RIMS2: variants seen among roughly 807,000 people sequenced by gnomAD.
RIMS2 encodes regulating synaptic membrane exocytosis 2.
A neutral mutation model predicts 174.4 loss-of-function variants in RIMS2; 59 were observed. The ratio of observed to expected loss-of-function variants is 0.34; its 90% confidence interval spans 0.27 to 0.42. The LOEUF (loss-of-function observed/expected upper bound fraction) is 0.42. Among genes scored for constraint, RIMS2 ranks in the 10% least tolerant of loss-of-function variants. RIMS2 has a pLI of 1.00. For missense variants in RIMS2, 1,620 were observed against 1,666.3 expected (o/e 0.97, Z 0.48); for synonymous variants, 606 against 572.5 (o/e 1.06, Z -0.84).
chr8:103,949,214 T>G (rs1400417301), intron 14 of RIMS2, among the ~76,000 whole-genome samples: 1 of 143,776 alleles, frequency 7.0e-6, no homozygotes, highest in Non-Finnish European at 1.5e-5. Context: ...AATGCAGTAA[T>G]AAAACTACAG....
chr8:103,951,408 A>G (rs2154543320), intron 14 of RIMS2, among the ~76,000 whole-genome samples: 1 of 152,316 alleles, frequency 6.6e-6, no homozygotes, highest in Admixed American at 6.5e-5. Flanking sequence ...CAACTGAGGT[A>G]CCCAGTTCAT....
intron 3 of RIMS2, among the ~76,000 whole-genome samples, chr8:103,834,958 A>G (rs1480693666): frequency 6.6e-6 from 1 of 151,300 alleles, no homozygotes; most frequent in Admixed American, 6.6e-5. Flanking sequence ...TTTTGTAGAG[A>G]CAGGTTATCG....
intron 2 of RIMS2, among the ~76,000 whole-genome samples, chr8:103,710,927 T>C (rs575861770): frequency 5.9e-5 from 9 of 152,182 alleles, no homozygotes; most frequent in Non-Finnish European, 1.0e-4. Context: ...TTCAGGAATC[T>C]CTGATGAGTT....
chr8:103,501,884 G>T (rs1820264877), intron 1 of RIMS2, among the ~76,000 whole-genome samples: 1 of 152,026 alleles, frequency 6.6e-6, no homozygotes, highest in South Asian at 2.1e-4. Flanking sequence ...CCAGGCATGC[G>T]TTTACCGGCT....
At chr8:103,832,651 C>A (rs1298261361) in intron 3 of RIMS2, among the ~76,000 whole-genome samples, 1 of 152,134 alleles carries the variant, frequency 6.6e-6, no homozygotes, top group Non-Finnish European at 1.5e-5. Flanking sequence ...GTTTTCTGTT[C>A]CTGTATTAAT....
At chr8:103,599,698 G>C (rs975023767) in intron 1 of RIMS2, among the ~76,000 whole-genome samples, 1 of 151,744 alleles carries the variant, frequency 6.6e-6, no homozygotes, top group Non-Finnish European at 1.5e-5. Context: ...TGATCCTCTT[G>C]CCTTGGCCTC....
chr8:103,588,135 AC>A (rs1395222067), intron 1 of RIMS2, among the ~76,000 whole-genome samples: 1 of 152,028 alleles, frequency 6.6e-6, no homozygotes, highest in African/African-American at 2.4e-5. Flanking sequence ...AAAGAAAAAA[AC>A]AATTCTATTT....
chr8:104,251,859 C>A (rs78110727), exon 24 of RIMS2: 34,597 of 702,598 alleles, frequency 0.049, 22 homozygotes, highest in South Asian at 0.12. Flanking sequence ...ACCAGCGTTA[C>A]AAAAAAAAAA....
intron 17 of RIMS2, among the ~76,000 whole-genome samples, chr8:103,999,896 C>T (rs1294731563): frequency 6.6e-6 from 1 of 151,606 alleles, no homozygotes; most frequent in African/African-American, 2.4e-5. Context: ...TCTTTCTGTG[C>T]CACAATTTGG....
intron 3 of RIMS2, among the ~76,000 whole-genome samples, chr8:103,795,680 GAT>G (rs2098544880): frequency 6.6e-6 from 1 of 152,114 alleles, no homozygotes; most frequent in Non-Finnish European, 1.5e-5. Flanking sequence ...AAAAGCAAAA[GAT>G]ACACAATTCT....
At chr8:103,530,877 C>A (rs1836729871) in intron 1 of RIMS2, among the ~76,000 whole-genome samples, 1 of 151,880 alleles carries the variant, frequency 6.6e-6, no homozygotes, top group Non-Finnish European at 1.5e-5. Context: ...TTATTTCTTG[C>A]TTTGAAGTGC....
At chr8:104,065,282 G>A (rs2097085292) in intron 19 of RIMS2, among the ~76,000 whole-genome samples, 1 of 152,004 alleles carries the variant, frequency 6.6e-6, no homozygotes, top group Non-Finnish European at 1.5e-5. Flanking sequence ...GGATATCAGA[G>A]CTGAAACGAA....
At chr8:104,223,517 G>A (rs757844443) in intron 19 of RIMS2, 623 of 1,404,608 alleles carry the variant, frequency 4.4e-4, no homozygotes, top group Non-Finnish European at 5.2e-4. Context: ...AGGGAGGCAG[G>A]GGCCAGAGCC....
chr8:104,174,826 G>A (rs868139995), intron 19 of RIMS2, among the ~76,000 whole-genome samples: 7 of 152,228 alleles, frequency 4.6e-5, no homozygotes, highest in African/African-American at 7.2e-5. Flanking sequence ...TTTGAATAGG[G>A]CTCCCTTCCT....
At chr8:103,993,364 T>C (rs1026455979) in intron 17 of RIMS2, among the ~76,000 whole-genome samples, 1 of 152,086 alleles carries the variant, frequency 6.6e-6, no homozygotes, top group Non-Finnish European at 1.5e-5. Context: ...CTCCTATACA[T>C]TCAGTTAATA....
At chr8:103,916,448 G>T in exon 8 of RIMS2, 1 of 1,609,278 alleles carries the variant, frequency 6.2e-7, no homozygotes, top group Non-Finnish European at 8.5e-7. Context: ...GAAGACTACT[G>T]CAAGGAGCCA....
At chr8:103,884,787 T>A (rs2099190048) in intron 3 of RIMS2, among the ~76,000 whole-genome samples, 1 of 151,882 alleles carries the variant, frequency 6.6e-6, no homozygotes, top group African/African-American at 2.4e-5. Context: ...ATACTAGGAA[T>A]GATCTAGAAG....
At chr8:104,140,719 C>T (rs900883470) in intron 19 of RIMS2, among the ~76,000 whole-genome samples, 18 of 152,118 alleles carry the variant, frequency 1.2e-4, no homozygotes, top group African/African-American at 4.1e-4. Context: ...CCACTTGCTG[C>T]CTTGGGACCT....
intron 2 of RIMS2, among the ~76,000 whole-genome samples, chr8:103,706,439 TA>T (rs961070195): frequency 6.5e-4 from 99 of 151,892 alleles, no homozygotes; most frequent in Admixed American, 1.6e-3. Flanking sequence ...TTCTTTTTTT[TA>T]AAAAAAAATT....
Sources: gnomAD v4.1 joint callset for allele counts (sites outside exome capture counted in the v4.1 genomes callset) on GRCh38, gnomAD v4.1.1 for gene constraint, MANE v1.5 for transcripts, NCBI Gene and HGNC (gene_info 2026-07-23, HGNC 2026-07-21) for gene names.